CTNNA3: variants seen among roughly 807,000 people sequenced by gnomAD.
CTNNA3 encodes catenin alpha-3.
CTNNA3 carries 76 observed loss-of-function variants against 95.7 expected under a neutral mutation model. The ratio of observed to expected loss-of-function variants is 0.79; its 90% CI spans 0.66 to 0.96. CTNNA3 has a LOEUF of 0.96. Among genes scored for constraint, CTNNA3 ranks in the 40% least tolerant of loss-of-function variants. The pLI is 0.00. For synonymous variants in CTNNA3, 431 were observed against 374.4 expected, an observed-to-expected ratio of 1.15 and a Z score of -1.74; for missense variants, 1,191 against 1,089.8, an observed-to-expected ratio of 1.09 and a Z score of -1.31.
At chr10:67,230,817 A>G (rs78393236) in intron 5 of CTNNA3, among the ~76,000 whole-genome samples, 1 of 152,180 alleles carries the variant, frequency 6.6e-6, no homozygotes, top group Non-Finnish European at 1.5e-5. Context: ...GTGTGTGCAC[A>G]CACCGTGCGC....
rs567981382 is a variant in CTNNA3 at position 67,121,646 on chromosome 10, C to T, written c.1047+58671G>A. 2.0e-5 allele frequency among the ~76,000 whole-genome samples: 3 copies of T among 151,932 alleles called. No homozygotes were observed. In the East Asian group the frequency reaches 5.8e-4, roughly 29 times the overall value. Reference sequence around the variant, plus strand: ...GTGCTGGCCACAGTACACGTAAGTTCCAAAAAATCATTCACAACCTCAAGT... The same window carrying T: ...GTGCTGGCCACAGTACACGTAAGTTTCAAAAAATCATTCACAACCTCAAGT... On this transcript the variant is annotated intron_variant, in intron 7 of 17. Transcript: ENST00000433211.
intron 6 of CTNNA3, among the ~76,000 whole-genome samples, chr10:67,187,038 G>A (rs555166379): frequency 6.6e-6 from 1 of 152,188 alleles, no homozygotes; most frequent in East Asian, 1.9e-4. Context: ...TCTCTCTGGA[G>A]AGCTTATAAT....
chr10:67,355,003 T>G (rs906163525), intron 5 of CTNNA3, among the ~76,000 whole-genome samples: 6 of 151,884 alleles, frequency 4.0e-5, no homozygotes, highest in African/African-American at 1.4e-4. Context: ...AGAAAAAAAT[T>G]TAATCCCTTC....
chr10:67,370,960 G>A (rs530950726), intron 5 of CTNNA3, among the ~76,000 whole-genome samples: 70 of 147,036 alleles, frequency 4.8e-4, no homozygotes, highest in African/African-American at 1.2e-3. Context: ...TGCGCCTCCC[G>A]GGTTCACGCC....
At chr10:66,284,247 A>C (rs1048796214) in intron 12 of CTNNA3, among the ~76,000 whole-genome samples, 3 of 151,898 alleles carry the variant, frequency 2.0e-5, no homozygotes, top group Non-Finnish European at 4.4e-5. Flanking sequence ...ATTCTCACTC[A>C]TCTTGGCACT....
intron 11 of CTNNA3, among the ~76,000 whole-genome samples, chr10:66,513,563 T>G (rs1840736757): frequency 6.6e-6 from 1 of 152,162 alleles, no homozygotes; most frequent in African/African-American, 2.4e-5. Context: ...AGGTACATAG[T>G]GGCCCTGTTA....
intron 10 of CTNNA3, among the ~76,000 whole-genome samples, chr10:66,577,153 C>T (rs760453135): frequency 6.6e-6 from 1 of 151,544 alleles, no homozygotes; most frequent in Non-Finnish European, 1.5e-5. Flanking sequence ...TCTTCTTGTC[C>T]TTTGCCCACT....
intron 7 of CTNNA3, among the ~76,000 whole-genome samples, chr10:66,834,817 T>G (rs1842836261): frequency 6.6e-6 from 1 of 152,200 alleles, no homozygotes; most frequent in South Asian, 2.1e-4. Context: ...AACTGTGCTT[T>G]TCATGCACTA....
chr10:67,378,111 CTA>C (rs1261414959), intron 5 of CTNNA3, among the ~76,000 whole-genome samples: 1 of 152,116 alleles, frequency 6.6e-6, no homozygotes, highest in Non-Finnish European at 1.5e-5. Context: ...TTCTCAGACC[CTA>C]GTGTCCTATG....
intron 11 of CTNNA3, among the ~76,000 whole-genome samples, chr10:66,504,504 C>G (rs956500911): frequency 6.6e-6 from 1 of 152,198 alleles, no homozygotes; most frequent in African/African-American, 2.4e-5. Flanking sequence ...GCTGTTCTCA[C>G]CAGCCTAAAG....
chr10:67,757,692 A>G (rs1841441315), intron 1 of CTNNA3, among the ~76,000 whole-genome samples: 1 of 152,134 alleles, frequency 6.6e-6, no homozygotes, highest in Admixed American at 6.5e-5. Flanking sequence ...TTGGCCACAG[A>G]CTGAAGGCTG....
chr10:67,676,620 G>C (rs1840539734), intron 1 of CTNNA3, among the ~76,000 whole-genome samples: 1 of 152,124 alleles, frequency 6.6e-6, no homozygotes, highest in African/African-American at 2.4e-5. Flanking sequence ...TAGAATACAA[G>C]TGGGCTTTGT....
intron 5 of CTNNA3, among the ~76,000 whole-genome samples, chr10:67,415,453 A>G (rs1466237200): frequency 1.3e-5 from 2 of 152,218 alleles, no homozygotes; most frequent in Non-Finnish European, 2.9e-5. Context: ...GAGGTGAAAG[A>G]TCTCTATAAG....
At chr10:65,921,242 TTC>T (rs1273265814) in intron 17 of CTNNA3, among the ~76,000 whole-genome samples, 1 of 152,228 alleles carries the variant, frequency 6.6e-6, no homozygotes, top group Non-Finnish European at 1.5e-5. Flanking sequence ...AAAATACATT[TTC>T]TGTTTCCTCA....
chr10:66,920,424 T>C (rs1846729564), intron 7 of CTNNA3, among the ~76,000 whole-genome samples: 1 of 152,234 alleles, frequency 6.6e-6, no homozygotes, highest in South Asian at 2.1e-4. Flanking sequence ...CTAGTCTTTA[T>C]GCAATCTCGC....
At chr10:66,084,378 C>T (rs1469756009) in intron 14 of CTNNA3, among the ~76,000 whole-genome samples, 1 of 151,576 alleles carries the variant, frequency 6.6e-6, no homozygotes, top group Non-Finnish European at 1.5e-5. Flanking sequence ...CATGTATCCA[C>T]AAAAATTAAA....
chr10:67,485,275 C>T (rs1848399265), intron 5 of CTNNA3, among the ~76,000 whole-genome samples: 1 of 152,166 alleles, frequency 6.6e-6, no homozygotes, highest in South Asian at 2.1e-4. Flanking sequence ...ATTGGATACT[C>T]ATGGGCATAA....
chr10:66,270,760 C>T (rs1184158967), intron 13 of CTNNA3, among the ~76,000 whole-genome samples: 1 of 151,948 alleles, frequency 6.6e-6, no homozygotes, highest in Non-Finnish European at 1.5e-5. Context: ...GAAGAGGCCT[C>T]CTGTGCAGAG....
intron 9 of CTNNA3, among the ~76,000 whole-genome samples, chr10:66,707,615 T>C (rs558510166): frequency 1.7e-4 from 26 of 152,102 alleles, no homozygotes; most frequent in Non-Finnish European, 2.8e-4. Flanking sequence ...GATTACATCC[T>C]TGGACTAGAG....
Sources: gnomAD v4.1 joint callset for allele counts (sites outside exome capture counted in the v4.1 genomes callset) on GRCh38, gnomAD v4.1.1 for gene constraint, MANE v1.5 for transcripts, NCBI Gene and HGNC (gene_info 2026-07-23, HGNC 2026-07-21) for gene names.